The following CACUL1 variants were observed in gnomAD, a reference collection of about 807,000 sequenced individuals.
The protein encoded by CACUL1 is CDK2 associated cullin domain 1, also known as CDK2-associated and cullin domain-containing protein 1.
A neutral mutation model predicts 45.2 loss-of-function variants in CACUL1; 13 were observed. That is an observed-to-expected ratio of 0.29 (90% confidence interval 0.19 to 0.46). The LOEUF (loss-of-function observed/expected upper bound fraction) is 0.46, where lower values mean the gene tolerates loss of function less well. CACUL1 is among the 20% of genes least tolerant of loss of function. CACUL1 has a pLI of 1.00. For missense variants in CACUL1, 421 were observed against 471.4 expected (o/e 0.89, Z 0.99); for synonymous variants, 197 against 174.2 (o/e 1.13, Z -1.03).
intron 3 of CACUL1, among the ~76,000 whole-genome samples, chr10:118,727,442 T>C (rs1845662338): frequency 6.6e-6 from 1 of 151,028 alleles, no homozygotes; most frequent in Non-Finnish European, 1.5e-5. Flanking sequence ...GAAATATCAC[T>C]CTGATTTATG....
At chr10:118,698,309 A>G (rs890059947) in intron 5 of CACUL1, among the ~76,000 whole-genome samples, 1 of 151,916 alleles carries the variant, frequency 6.6e-6, no homozygotes, top group Non-Finnish European at 1.5e-5. Context: ...ACACCCGGCT[A>G]ATTTTTGTAT....
chr10:118,676,465 A>T lies in CACUL1; in HGVS notation c.*9663T>A, dbSNP rs1845098841. The T allele has an allele frequency of 6.6e-6, 1 of 152,254 alleles. No individual in the cohort carries two copies. Among genetic ancestry groups the T allele is most frequent in the Non-Finnish European group, 1.5e-5 (1 of 68,048 alleles). The allele number at this position is 152,254 out of a possible 1,614,324, so 9.4% of individuals were successfully genotyped here. A position where few individuals can be genotyped will look rare whatever the true frequency, so the allele number is the denominator to read the frequency against. On this transcript the variant is annotated 3_prime_UTR_variant, in exon 9 of 9. Transcript: ENST00000369151. ...AAAAATTTCAACAACACACTTTTGC[A>T]AAATTGGTGGATGGAACTCAAAAAT...
intron 3 of CACUL1, among the ~76,000 whole-genome samples, chr10:118,722,255 G>T (rs191373518): frequency 2.0e-5 from 3 of 151,532 alleles, no homozygotes; most frequent in Admixed American, 2.0e-4. Context: ...GGCTAATTTT[G>T]TATTTTTTTT....
rs1156328936 is a variant in CACUL1, at chr10:118,676,931, T to C, written c.*9197A>G. On this transcript the variant is annotated 3_prime_UTR_variant, in exon 9 of 9. Coordinates refer to ENST00000369151, the MANE Select transcript of CACUL1 (RefSeq NM_153810.5). ...TGAGTGAGTTTAATAGGGTTTTCGG[T>C]TTCATTGCTTGTATTCTTAGAAAAA... 1 of 152,078 alleles carries C rather than the reference T, an allele frequency of 6.6e-6. No individual in the cohort carries two copies. Among genetic ancestry groups the C allele is most frequent in the Non-Finnish European group, 1.5e-5 (1 of 68,024 alleles). The allele number at this position is 152,078 out of a possible 1,614,324, so 9.4% of individuals were successfully genotyped here.
intron 3 of CACUL1, among the ~76,000 whole-genome samples, chr10:118,716,665 C>T (rs1378038625): frequency 7.3e-5 from 11 of 150,470 alleles, no homozygotes; most frequent in Admixed American, 5.3e-4. Context: ...TGCAGTGGCG[C>T]GATCTCGGCT....
chr10:118,726,770 T>G (rs1006115981), intron 3 of CACUL1, among the ~76,000 whole-genome samples: 2 of 152,170 alleles, frequency 1.3e-5, no homozygotes, highest in African/African-American at 4.8e-5. Context: ...CACCTTAGTG[T>G]GAAGCAACGA....
intron 5 of CACUL1, among the ~76,000 whole-genome samples, chr10:118,698,434 G>A (rs766511785): frequency 4.7e-4 from 71 of 152,218 alleles, no homozygotes; most frequent in Non-Finnish European, 6.8e-4. Context: ...GTGAGCCATC[G>A]CGCCCAGCCG....
Position 118,754,912 on chromosome 10 carries a change from C to T in CACUL1, c.-150G>A, listed in dbSNP as rs1458101973. 3.6e-6 allele frequency: 4 copies of T among 1,114,016 alleles called. No homozygotes were observed. Among genetic ancestry groups the T allele is most frequent in the South Asian group, 1.8e-5 (1 of 56,334 alleles). The allele number at this position is 1,114,016 out of a possible 1,614,324, so 69.0% of individuals were successfully genotyped here. ...GCTGCGGTGCGCAGGGTCTCTCGCTCTCCGCGGGGCCGACTAGCTTGAAGA... is the reference window on the plus strand; with the variant it reads ...GCTGCGGTGCGCAGGGTCTCTCGCTTTCCGCGGGGCCGACTAGCTTGAAGA... On this transcript the variant is annotated 5_prime_UTR_variant, in exon 1 of 9. Transcript: ENST00000369151.
intron 1 of CACUL1, among the ~76,000 whole-genome samples, chr10:118,747,662 G>C (rs890410332): frequency 6.7e-6 from 1 of 149,542 alleles, no homozygotes; most frequent in Non-Finnish European, 1.5e-5. Flanking sequence ...AACAGAATAA[G>C]AAACAAGCCA....
chr10:118,726,442 C>T, intron 3 of CACUL1: 4 of 594,020 alleles, frequency 6.7e-6, no homozygotes, highest in Non-Finnish European at 1.0e-5. Flanking sequence ...AGAGTCCCTC[C>T]CCCTCAAGGA....
chr10:118,726,682 A>T (rs1024389306), intron 3 of CACUL1, among the ~76,000 whole-genome samples: 1 of 152,316 alleles, frequency 6.6e-6, no homozygotes, highest in East Asian at 1.9e-4. Context: ...CAGAAGAAAA[A>T]ATACCTTACA....
At chr10:118,715,205 A>AAT (rs1006484322) in intron 3 of CACUL1, among the ~76,000 whole-genome samples, 1 of 152,140 alleles carries the variant, frequency 6.6e-6, no homozygotes, top group South Asian at 2.1e-4. Context: ...TACCACTAAA[A>AAT]ATATATATAT....
Position 118,754,792 on chromosome 10 carries a change from A to C in CACUL1, c.-30T>G. 1 of 1,527,148 alleles carries C rather than the reference A, an allele frequency of 6.5e-7. No individual in the cohort carries two copies. The highest frequency in any genetic ancestry group is 8.8e-7 in the Non-Finnish European group (1 of 1,141,864). 94.6% of individuals were successfully genotyped at this position (1,527,148 alleles called of 1,614,324 possible). A position where few individuals can be genotyped will look rare whatever the true frequency, so the allele number is the denominator to read the frequency against. ...CTGGCCCCCGGCACCCGCCCGCCTC[A>C]CAGGCACCTGCCGCCTGTCTCAACC... On this transcript the variant is annotated 5_prime_UTR_variant, in exon 1 of 9. Transcript: ENST00000369151.
chr10:118,688,403 TCTGGA>T (rs966641108), intron 7 of CACUL1, among the ~76,000 whole-genome samples: 1 of 152,236 alleles, frequency 6.6e-6, no homozygotes, highest in African/African-American at 2.4e-5. Context: ...GAATTTTATA[TCTGGA>T]ACCTCGACTT....
intron 1 of CACUL1, among the ~76,000 whole-genome samples, chr10:118,749,846 C>A (rs1233822669): frequency 6.6e-6 from 1 of 151,482 alleles, no homozygotes; most frequent in Non-Finnish European, 1.5e-5. Context: ...GCTGGTGGAC[C>A]CGTAGTAACA....
In CACUL1 at chr10:118,685,022, G is replaced by A. The variant is rs1328825566; in HGVS notation, c.*1106C>T. ...TGCCACAGCTGGAAGGGAGCCTTAG[G>A]ACAGCAGTGCTACTTCTTCCCTATC... On this transcript the variant is annotated 3_prime_UTR_variant, in exon 9 of 9. Coordinates refer to ENST00000369151, the MANE Select transcript of CACUL1 (RefSeq NM_153810.5). The A allele has an allele frequency of 6.6e-6, 1 of 152,196 alleles. No individual in the cohort carries two copies. The highest frequency in any genetic ancestry group is 1.9e-4 in the East Asian group (1 of 5,196). 9.4% of individuals were successfully genotyped at this position (152,196 alleles called of 1,614,324 possible). A position where few individuals can be genotyped will look rare whatever the true frequency, so the allele number is the denominator to read the frequency against.
chr10:118,749,815 C>T (rs1845878461), intron 1 of CACUL1, among the ~76,000 whole-genome samples: 1 of 152,138 alleles, frequency 6.6e-6, no homozygotes. Context: ...GTGTTTTGGC[C>T]TCAATCCATC....
chr10:118,711,809 A>G (rs1182484416), intron 3 of CACUL1, among the ~76,000 whole-genome samples: 1 of 152,242 alleles, frequency 6.6e-6, no homozygotes, highest in Non-Finnish European at 1.5e-5. Context: ...AGTATATTTC[A>G]TGTAGCCCTT....
chr10:118,726,482 C>A, intron 3 of CACUL1: 3 of 366,678 alleles, frequency 8.2e-6, no homozygotes, highest in Non-Finnish European at 1.6e-5. Flanking sequence ...GACAGGGAAG[C>A]AGAAACAATA....
Sources: gnomAD v4.1 joint callset for allele counts (sites outside exome capture counted in the v4.1 genomes callset) on GRCh38, gnomAD v4.1.1 for gene constraint, MANE v1.5 for transcripts, NCBI Gene and HGNC (gene_info 2026-07-23, HGNC 2026-07-21) for gene names.